The following RECQL variants were observed in gnomAD, a reference collection of about 807,000 sequenced individuals.
RECQL encodes RecQ like helicase.
In RECQL, 73 loss-of-function variants were observed where a neutral mutation model predicts 75.8. That is an observed-to-expected ratio of 0.96 (90% CI 0.80 to 1.17). The LOEUF (loss-of-function observed/expected upper bound fraction) is 1.17. Among genes scored for constraint, RECQL ranks in the 50% most tolerant of loss-of-function variants. The pLI is 0.00. For synonymous variants in RECQL, 248 were observed against 254.4 expected, an observed-to-expected ratio of 0.97 and a Z score of 0.24; for missense variants, 699 against 772.1, an observed-to-expected ratio of 0.91 and a Z score of 1.12.
rs1469080155 is a variant in RECQL at position 21,473,611 on chromosome 12, C to T, written c.1387G>A (p.Asp463Asn). The T allele has an allele frequency of 6.2e-7, 1 of 1,612,856 alleles. No individual in the cohort carries two copies. Among genetic ancestry groups the T allele is most frequent in the Admixed American group, 1.7e-5 (1 of 59,888 alleles). The change falls in exon 12 of 15, where the codon GAT becomes AAT. Residue 463 changes from aspartate to asparagine, a missense_variant. Asp to Asn is a conservative substitution (Grantham distance 23). Transcript: ENST00000444129. ...CATGCTTCTGAGTTCCATACTTCAT[C>T]AAAATGTTGAGCCATCAACACACGA... ...CRRVLMAQHF[D>N]EVWNSEACNK... is the part of the protein sequence containing the mutation.
rs779099686 is a variant in RECQL at position 21,471,647 on chromosome 12, G to T, written c.1448C>A (p.Ala483Glu). 4.2e-5 allele frequency: 67 copies of T among 1,608,892 alleles called. No homozygotes were observed. The highest frequency in any genetic ancestry group is 5.5e-5 in the Non-Finnish European group (65 of 1,175,814). Residue 483 changes from alanine (A) to glutamate (E), a missense_variant and splice_region_variant, in exon 13 of 15, where the codon GCA becomes GAA. By Grantham distance (107) the Ala-to-Glu change is moderately radical. Coordinates refer to ENST00000444129, the MANE Select transcript of RECQL (RefSeq NM_002907.4). Reference protein sequence around the residue: ...KMCDNCCKDSAFERKNITEYC... With the variant: ...KMCDNCCKDSEFERKNITEYC... ...CTCTGTTATGTTCTTTCTTTCAAATGCTGTAATAAAACAAATATGGTAGCA... is the reference window on the plus strand; with the variant it reads ...CTCTGTTATGTTCTTTCTTTCAAATTCTGTAATAAAACAAATATGGTAGCA...
chr12:21,493,097 C>T (rs1395563780), intron 2 of RECQL, among the ~76,000 whole-genome samples: 1 of 152,152 alleles, frequency 6.6e-6, no homozygotes, highest in Admixed American at 6.5e-5. Flanking sequence ...CCTGACTGAA[C>T]CCTAACCAAT....
chr12:21,497,704 T>C (rs1182169818), intron 2 of RECQL, among the ~76,000 whole-genome samples: 1 of 152,208 alleles, frequency 6.6e-6, no homozygotes, highest in Non-Finnish European at 1.5e-5. Flanking sequence ...TCATAATTAA[T>C]CAGGTAGACA....
chr12:21,471,378 A>T, intron 13 of RECQL, 50 bp downstream of exon 13: 1 of 1,537,690 alleles, frequency 6.5e-7, no homozygotes, highest in Non-Finnish European at 8.8e-7. Flanking sequence ...AATTTTTAAA[A>T]AAAAACCATA....
chr12:21,473,605 C>T lies in RECQL; in HGVS notation c.1393G>A (p.Val465Ile), dbSNP rs1371518748. The T allele has an allele frequency of 1.9e-6, 3 of 1,612,760 alleles. No individual in the cohort carries two copies. The African/African-American group carries it at 4.0e-5, about 22-fold the overall frequency. The change falls in exon 12 of 15, where the codon GTA becomes ATA. Residue 465 changes from valine to isoleucine, a missense_variant. Physicochemically the swap from Val to Ile is conservative, Grantham distance 29 (BLOSUM62 3). This residue lies in a region of RECQL where 669 missense variants were observed against 713.5 expected (regional missense o/e 0.94). Coordinates refer to ENST00000444129, the MANE Select transcript of RECQL (RefSeq NM_002907.4). ...RVLMAQHFDEVWNSEACNKMC... is the reference protein window; with the variant it reads ...RVLMAQHFDEIWNSEACNKMC... ...TTGTTACATGCTTCTGAGTTCCATA[C>T]TTCATCAAAATGTTGAGCCATCAAC...
At chr12:21,473,265 C>T (rs1943018360) in intron 12 of RECQL, among the ~76,000 whole-genome samples, 1 of 151,942 alleles carries the variant, frequency 6.6e-6, no homozygotes, top group Non-Finnish European at 1.5e-5. Context: ...GTTATAATAC[C>T]ATATTTTTAC....
At chr12:21,473,286 C>CT (rs1288872474) in intron 12 of RECQL, among the ~76,000 whole-genome samples, 2 of 152,026 alleles carry the variant, frequency 1.3e-5, no homozygotes, top group Non-Finnish European at 2.9e-5. Context: ...TGTACTTACT[C>CT]TATGTTTAGA....
intron 5 of RECQL, among the ~76,000 whole-genome samples, chr12:21,485,667 C>T (rs1230322736): frequency 6.6e-6 from 1 of 151,290 alleles, no homozygotes; most frequent in Non-Finnish European, 1.5e-5. Flanking sequence ...GAGATACGTA[C>T]TGAAGAATTT....
rs367652565 is a variant in RECQL at position 21,486,527 on chromosome 12, T to C, written c.453A>G (p.Leu151=). The change falls in exon 5 of 15, where the codon TTA becomes TTG. Residue 151 remains leucine, a synonymous_variant. Transcript: ENST00000444129. ...ISLMEDQLMV[L]KQLGISATML... The stretch of plus-strand genomic sequence containing the variant: ...TGGTTGCTGAAATTCCTAATTGTTT[T>C]AAAACCATTAATTGGTCTTCCATAA... 30 of 1,606,618 alleles carry C rather than the reference T, an allele frequency of 1.9e-5. No homozygotes were observed. Among genetic ancestry groups the C allele is most frequent in the Middle Eastern group, 3.3e-4 (2 of 6,052 alleles).
chr12:21,478,014 T>TA, intron 6 of RECQL, 45 bp from the exon 7 acceptor site: 1 of 1,530,892 alleles, frequency 6.5e-7, no homozygotes, highest in South Asian at 1.2e-5. Context: ...CTTTAAGAGT[T>TA]AGAGTAAATT....
chr12:21,471,383 AC>A (rs1942957254), intron 13 of RECQL, 44 bp downstream of exon 13: 4 of 1,492,488 alleles, frequency 2.7e-6, no homozygotes, highest in Non-Finnish European at 2.7e-6. Context: ...TTAAAAAAAA[AC>A]CATAAAGACA....
chr12:21,486,795 C>T lies in RECQL; in HGVS notation c.395-210G>A, dbSNP rs141307384. Among the ~76,000 whole-genome samples, 481 of 151,216 alleles carry T rather than the reference C, an allele frequency of 3.2e-3. 4 individuals carry two copies. The highest frequency in any genetic ancestry group is 0.011 in the African/African-American group (454 of 41,200). On this transcript the variant is annotated intron_variant, in intron 4 of 14. Transcript: ENST00000444129. The stretch of plus-strand genomic sequence containing the variant: ...AAGCAATTCTCCTGCCTCAGCCTCC[C>T]GAGTAGCTGGGACTACAGGCACCTG...
rs142038240 is a variant in RECQL at position 21,470,285 on chromosome 12, G to C, written c.1859C>G (p.Ser620Ter). The change falls in exon 15 of 15, where the codon TCA becomes TGA. Residue 620 changes from serine (S) to a stop codon, truncating the protein, a stop_gained. Coordinates refer to ENST00000444129, the MANE Select transcript of RECQL (RefSeq NM_002907.4). LOFTEE classifies it high-confidence loss of function. ...QGDKKMEEKN[S>*]GNFQKKAANM... ...TGCAGCCTTCTTCTGGAAGTTGCCT[G>C]AATTTTTTTCCTCCATCTTTTTATC... 1.0e-3 allele frequency: 1,641 copies of C among 1,584,672 alleles called. 1 individual carries two copies. Among genetic ancestry groups the C allele is most frequent in the Non-Finnish European group, 1.3e-3 (1,544 of 1,167,040 alleles).
rs1942878235 is a variant in RECQL at position 21,469,558 on chromosome 12, G to C, written c.*636C>G. The C allele has an allele frequency of 6.6e-6, 1 of 150,960 alleles. No individual in the cohort carries two copies. The highest frequency in any genetic ancestry group is 2.4e-5 in the African/African-American group (1 of 40,948). The allele number at this position is 150,960 out of a possible 1,614,324, so 9.4% of individuals were successfully genotyped here. A position where few individuals can be genotyped will look rare whatever the true frequency, so the allele number is the denominator to read the frequency against. Reference sequence around the variant, plus strand: ...GTATAATATTGCTTTCAAAAAGATGGTTATGTCAAAAGAAAAAATATAGCT... The same window carrying C: ...GTATAATATTGCTTTCAAAAAGATGCTTATGTCAAAAGAAAAAATATAGCT... On this transcript the variant is annotated 3_prime_UTR_variant, in exon 15 of 15. Transcript: ENST00000444129.
chr12:21,478,016 G>A (rs771429015), intron 6 of RECQL, 47 bp from the exon 7 acceptor site: 5 of 1,530,344 alleles, frequency 3.3e-6, no homozygotes, highest in Non-Finnish European at 4.4e-6. Flanking sequence ...TTAAGAGTTA[G>A]AGTAAATTAT....
intron 2 of RECQL, among the ~76,000 whole-genome samples, chr12:21,498,603 T>C (rs1343914772): frequency 6.6e-6 from 1 of 152,186 alleles, no homozygotes; most frequent in African/African-American, 2.4e-5. Context: ...TAAGTGATCC[T>C]GACTATTAAG....
rs1398545082 is a variant in RECQL, at chr12:21,477,834, G to C, written c.836C>G (p.Ala279Gly). 2 of 1,612,746 alleles carry C rather than the reference G, an allele frequency of 1.2e-6. No homozygotes were observed. Among genetic ancestry groups the C allele is most frequent in the African/African-American group, 1.3e-5 (1 of 74,846 alleles). Residue 279 changes from alanine to glycine, a missense_variant, in exon 7 of 15, where the codon GCT becomes GGT. Around this residue, in one of 2 missense-constraint regions of RECQL, gnomAD observed 669 missense variants for 713.5 expected, o/e 0.94. Coordinates refer to ENST00000444129, the MANE Select transcript of RECQL (RefSeq NM_002907.4). ...LCIEKCFTFT[A>G]SFNRPNLYYE... is the part of the protein sequence containing the mutation. ...ATATAGATTTGGCCTATTAAAAGAA[G>C]CTGTAAAAGTAAAACACTTTTCAAT...
chr12:21,490,114 G>T, intron 4 of RECQL, 85 bp downstream of exon 4: 2 of 672,818 alleles, frequency 3.0e-6, no homozygotes, highest in Non-Finnish European at 2.3e-6. Context: ...ATATATGTAT[G>T]ATTATAAATT....
intron 14 of RECQL, chr12:21,470,696 G>A (rs181546475): frequency 4.8e-4 from 150 of 315,580 alleles, no homozygotes; most frequent in Middle Eastern, 2.7e-3. Context: ...AACCAAATAA[G>A]AGCAGAGTGC....
Sources: gnomAD v4.1 joint callset for allele counts (sites outside exome capture counted in the v4.1 genomes callset) on GRCh38, gnomAD v4.1.1 for gene constraint, gnomAD v4.1.1 regional missense constraint, MANE v1.5 for transcripts, NCBI Gene and HGNC (gene_info 2026-07-23, HGNC 2026-07-21) for gene names.